BHMT: variants seen among roughly 807,000 people sequenced by gnomAD.
BHMT encodes the protein betaine--homocysteine S-methyltransferase, also known as betaine--homocysteine S-methyltransferase 1.
A neutral mutation model predicts 49.5 loss-of-function variants in BHMT; 38 were observed. The ratio of observed to expected loss-of-function variants is 0.77; its 90% CI spans 0.59 to 1.01. The LOEUF (loss-of-function observed/expected upper bound fraction) is 1.01. Ranked by LOEUF, BHMT falls within the 50% of genes least tolerant of loss-of-function variation. The probability of loss-of-function intolerance (pLI) is 0.00; values close to 1 mark genes in which losing one functional copy is unlikely to be tolerated. For missense variants in BHMT, 426 were observed against 495.7 expected (o/e 0.86, Z 1.34); for synonymous variants, 166 against 176.3 (o/e 0.94, Z 0.46).
rs1008689363 is a variant in BHMT, at chr5:79,121,066, G to A, written c.478-152G>A. On this transcript the variant is annotated intron_variant, in intron 4 of 7. Transcript: ENST00000274353. ...CTTGGGAGGCGGAGGCAGGAGAATTGCTTGAAACTGGGAGGCAAATGTTGC... is the reference window on the plus strand; with the variant it reads ...CTTGGGAGGCGGAGGCAGGAGAATTACTTGAAACTGGGAGGCAAATGTTGC... 2.8e-5 allele frequency: 25 copies of A among 883,950 alleles called. No homozygotes were observed. In the South Asian group the frequency reaches 4.7e-4, roughly 16 times the overall value. 54.8% of individuals were successfully genotyped at this position (883,950 alleles called of 1,614,324 possible). A position where few individuals can be genotyped will look rare whatever the true frequency, so the allele number is the denominator to read the frequency against.
Position 79,131,397 on chromosome 5 carries a change from G to T in BHMT, c.*281G>T. ...TGGAAATCACTGCTGCACAGGAAAA[G>T]TAATTCAGATGTTAATGCCACTTGA... On this transcript the variant is annotated 3_prime_UTR_variant, in exon 8 of 8. Coordinates refer to ENST00000274353, the MANE Select transcript of BHMT (RefSeq NM_001713.3). The T allele has an allele frequency of 3.7e-6, 1 of 272,174 alleles. No individual in the cohort carries two copies. Among genetic ancestry groups the T allele is most frequent in the Admixed American group, 5.2e-5 (1 of 19,308 alleles). The allele number at this position is 272,174 out of a possible 1,614,324, so 16.9% of individuals were successfully genotyped here. A position where few individuals can be genotyped will look rare whatever the true frequency, so the allele number is the denominator to read the frequency against.
At chr5:79,125,213 T>A (rs1756532032) in intron 5 of BHMT, among the ~76,000 whole-genome samples, 1 of 152,092 alleles carries the variant, frequency 6.6e-6, no homozygotes. Context: ...ATCCCAGCAC[T>A]TTGTGAGGCT....
chr5:79,125,338 C>G (rs1580273695), intron 5 of BHMT, among the ~76,000 whole-genome samples: 1 of 151,762 alleles, frequency 6.6e-6, no homozygotes, highest in Non-Finnish European at 1.5e-5. Context: ...CGCCTATAGT[C>G]CCAGCTACTC....
At chr5:79,118,228 G>T (rs968275498) in intron 2 of BHMT, among the ~76,000 whole-genome samples, 3 of 152,196 alleles carry the variant, frequency 2.0e-5, no homozygotes, top group Non-Finnish European at 4.4e-5. Context: ...CACTTTGGGA[G>T]GCTGAGGTGG....
intron 7 of BHMT, among the ~76,000 whole-genome samples, chr5:79,128,797 A>G (rs1456709763): frequency 6.6e-6 from 1 of 152,130 alleles, no homozygotes; most frequent in African/African-American, 2.4e-5. Context: ...TGAATAATAC[A>G]CTAGTAAAAA....
rs143426181 is a variant in BHMT, at chr5:79,112,798, T to C, written c.33+880T>C. The stretch of plus-strand genomic sequence containing the variant: ...TCCAGACGGTAGGCCTTCCTCTAAT[T>C]TGGGGAACGGATGGATAGATGGACT... On this transcript the variant is annotated intron_variant, in intron 1 of 7. Transcript: ENST00000274353. Among the ~76,000 whole-genome samples the C allele has an allele frequency of 1.1e-3, 160 of 152,152 alleles. 1 individual carries two copies. The highest frequency in any genetic ancestry group is 3.8e-3 in the African/African-American group (158 of 41,508).
intron 2 of BHMT, among the ~76,000 whole-genome samples, chr5:79,116,887 A>T (rs1317794985): frequency 6.6e-6 from 1 of 152,180 alleles, no homozygotes; most frequent in Admixed American, 6.5e-5. Flanking sequence ...TGTGGTCAGG[A>T]AAAAGTAGGT....
intron 5 of BHMT, among the ~76,000 whole-genome samples, chr5:79,124,171 A>C (rs1458011395): frequency 1.3e-5 from 2 of 152,116 alleles, no homozygotes; most frequent in Non-Finnish European, 2.9e-5. Flanking sequence ...TAATGGGTAG[A>C]GTTTCTCTTT....
At chr5:79,130,275 C>A (rs1267558526) in intron 7 of BHMT, among the ~76,000 whole-genome samples, 1 of 152,138 alleles carries the variant, frequency 6.6e-6, no homozygotes, top group African/African-American at 2.4e-5. Flanking sequence ...CTCTGAGAAT[C>A]CAAAGATGGC....
chr5:79,121,010 G>T (rs948468174), intron 4 of BHMT, among the ~76,000 whole-genome samples: 6 of 152,028 alleles, frequency 3.9e-5, no homozygotes, highest in African/African-American at 1.2e-4. Context: ...AATTAGCCAG[G>T]CGTGGTGGCG....
At chr5:79,118,271 T>G (rs1422913414) in intron 2 of BHMT, among the ~76,000 whole-genome samples, 1 of 152,018 alleles carries the variant, frequency 6.6e-6, no homozygotes, top group Non-Finnish European at 1.5e-5. Flanking sequence ...TTCAAGACCA[T>G]CCTGGCCAAC....
At chr5:79,129,339 A>G (rs1756601139) in intron 7 of BHMT, among the ~76,000 whole-genome samples, 1 of 152,210 alleles carries the variant, frequency 6.6e-6, no homozygotes, top group African/African-American at 2.4e-5. Flanking sequence ...GATTTCTAAG[A>G]AAGCTGATGC....
chr5:79,127,516 G>A (rs1353255867), intron 6 of BHMT, among the ~76,000 whole-genome samples: 1 of 152,160 alleles, frequency 6.6e-6, no homozygotes. Context: ...AATGCAAGAG[G>A]GGACTGCACA....
At chr5:79,117,588 T>C (rs923367588) in intron 2 of BHMT, among the ~76,000 whole-genome samples, 1 of 152,212 alleles carries the variant, frequency 6.6e-6, no homozygotes, top group Admixed American at 6.5e-5. Flanking sequence ...ATTCATCTCT[T>C]TAAAAACAAA....
At chr5:79,120,574 T>C in intron 4 of BHMT, 33 bp downstream of exon 4, 1 of 1,563,678 alleles carries the variant, frequency 6.4e-7, no homozygotes, top group Non-Finnish European at 8.6e-7. Flanking sequence ...ATAAGACAAA[T>C]ACACCTAGTA....
rs201086861 is a variant in BHMT at position 79,121,189 on chromosome 5, A to G, written c.478-29A>G. The G allele has an allele frequency of 3.9e-3, 6,167 of 1,597,908 alleles. 16 individuals are homozygous for G. Among genetic ancestry groups the G allele is most frequent in the Non-Finnish European group, 4.5e-3 (5,251 of 1,172,878 alleles). On this transcript the variant is annotated intron_variant, in intron 4 of 7. Transcript: ENST00000274353. ...AAATTGTTTTGGGAGAAACGAGATT[A>G]AAAGTACTCTAACCTTAACTGATTC...
intron 7 of BHMT, among the ~76,000 whole-genome samples, chr5:79,128,528 TTA>T (rs1561256160): frequency 7.5e-6 from 1 of 132,950 alleles, no homozygotes; most frequent in Non-Finnish European, 1.6e-5. Flanking sequence ...AGACCCTGTT[TTA>T]AAAAAAAAAA....
intron 3 of BHMT, 64 bp downstream of exon 3, chr5:79,119,441 C>A: frequency 1.5e-6 from 2 of 1,329,530 alleles, no homozygotes; most frequent in South Asian, 1.3e-5. Context: ...CAACAAAGCT[C>A]CCATAGAGAA....
chr5:79,112,075 G>A (rs1040292570), intron 1 of BHMT, among the ~76,000 whole-genome samples, 157 bp downstream of exon 1: 1 of 152,016 alleles, frequency 6.6e-6, no homozygotes, highest in Non-Finnish European at 1.5e-5. Flanking sequence ...TGTGCTTCCA[G>A]AACTTCTCCA....
Sources: allele counts gnomAD v4.1 joint callset (sites outside exome capture counted in the v4.1 genomes callset), GRCh38; gene constraint gnomAD v4.1.1; transcripts MANE v1.5; gene names NCBI Gene and HGNC (gene_info 2026-07-23, HGNC 2026-07-21).